Variants in TSC22D1 observed in about 807,000 individuals in gnomAD.
TSC22D1 encodes TSC22 domain family protein 1.
A neutral mutation model predicts 74.2 loss-of-function variants in TSC22D1; 9 were observed. The observed-to-expected ratio is 0.12, with a 90% CI of 0.07 to 0.21. The LOEUF is 0.21. TSC22D1 is among the 10% of genes least tolerant of loss of function. The probability of loss-of-function intolerance (pLI) is 1.00; values close to 1 mark genes in which losing one functional copy is unlikely to be tolerated. For missense variants in TSC22D1, 1,427 were observed against 1,304.7 expected (o/e 1.09, Z -1.44); for synonymous variants, 586 against 492.5 (o/e 1.19, Z -2.51).
intron 1 of TSC22D1, among the ~76,000 whole-genome samples, chr13:44,527,369 A>G (rs567593584): frequency 1.3e-5 from 2 of 152,306 alleles, no homozygotes; most frequent in South Asian, 4.1e-4. Context: ...GCAAAATAAA[A>G]AACAGCAGTG....
At chr13:44,475,302 C>T (rs1272462819) in intron 1 of TSC22D1, among the ~76,000 whole-genome samples, 1 of 151,908 alleles carries the variant, frequency 6.6e-6, no homozygotes, top group African/African-American at 2.4e-5. Flanking sequence ...TGAACAATGA[C>T]AAATGTAGCA....
chr13:44,539,218 G>A, intron 1 of TSC22D1: 1 of 985,134 alleles, frequency 1.0e-6, no homozygotes, highest in Non-Finnish European at 1.2e-6. Context: ...TCATACTTAT[G>A]TTTTATTAAA....
In TSC22D1 at chr13:44,542,239, A is replaced by C. The variant is rs913754963; in HGVS notation, c.2912+30924T>G. Among the ~76,000 whole-genome samples the C allele has an allele frequency of 2.0e-5, 3 of 152,100 alleles. No individual in the cohort carries two copies. The South Asian group carries it at 6.2e-4, about 31-fold the overall frequency. On this transcript the variant is annotated intron_variant, in intron 1 of 2. Coordinates refer to ENST00000458659, the MANE Select transcript of TSC22D1 (RefSeq NM_183422.4). ...ATATAGGTGAGTGAAAATACAGGCA[A>C]AAAGAAAGAGGTACATTTTGATATA...
chr13:44,574,060 G>T lies in TSC22D1; in HGVS notation c.2015C>A (p.Pro672His), dbSNP rs752464003. ...TCCTGCTCCTACTCCTGCAGAACTG[G>T]GCTGTCCGGAGGACATTGCTGTTTG... ...ILQTAMSSGQ[P>H]SSAGVGAGTT... The change falls in exon 1 of 3, where the codon CCC becomes CAC. Residue 672 changes from proline (P) to histidine (H), a missense_variant. Transcript: ENST00000458659. The T allele has an allele frequency of 1.7e-5, 28 of 1,614,092 alleles. No individual in the cohort carries two copies. In the African/African-American group the frequency reaches 3.3e-4, roughly 19 times the overall value.
chr13:44,496,651 T>G (rs1595118163), intron 1 of TSC22D1, among the ~76,000 whole-genome samples: 2 of 152,044 alleles, frequency 1.3e-5, no homozygotes, highest in Admixed American at 1.3e-4. Flanking sequence ...CGCCATTGCA[T>G]TCCAGCCTGG....
At chr13:44,458,718 G>A (rs1191137061) in intron 1 of TSC22D1, among the ~76,000 whole-genome samples, 4 of 152,178 alleles carry the variant, frequency 2.6e-5, no homozygotes, top group African/African-American at 7.2e-5. Context: ...CCCAGTGCCC[G>A]CTCTGATTTT....
At position 44,560,979 on chromosome 13, in the gene TSC22D1, A is replaced by G. The variant is rs185450848; in HGVS notation, c.2912+12184T>C. On this transcript the variant is annotated intron_variant, in intron 1 of 2. Coordinates refer to ENST00000458659, the MANE Select transcript of TSC22D1 (RefSeq NM_183422.4). ...CCTCCCTAGTCTCATCTGCTTTAAG[A>G]TAACAAAGCTAGTAAACATAAGGAG... Among the ~76,000 whole-genome samples, 10 of 152,296 alleles carry G rather than the reference A, an allele frequency of 6.6e-5. No homozygotes were observed. The East Asian group carries it at 1.9e-3, about 29-fold the overall frequency.
chr13:44,531,158 T>C (rs1028382010), intron 1 of TSC22D1, among the ~76,000 whole-genome samples: 11 of 152,190 alleles, frequency 7.2e-5, no homozygotes, highest in Non-Finnish European at 1.6e-4. Context: ...TCATCAATTA[T>C]AACAAATATA....
chr13:44,453,616 G>A (rs1462350504), intron 1 of TSC22D1, among the ~76,000 whole-genome samples: 2 of 152,230 alleles, frequency 1.3e-5, no homozygotes, highest in East Asian at 3.8e-4. Flanking sequence ...ACTCAAGTCA[G>A]TCGGCTTTGG....
At chr13:44,446,202 C>T (rs1875627235) in intron 1 of TSC22D1, among the ~76,000 whole-genome samples, 1 of 152,136 alleles carries the variant, frequency 6.6e-6, no homozygotes. Context: ...ACTACTGATA[C>T]ACATAACAAC....
intron 1 of TSC22D1, among the ~76,000 whole-genome samples, chr13:44,475,333 C>T: frequency 6.6e-6 from 1 of 151,786 alleles, no homozygotes; most frequent in East Asian, 1.9e-4. Context: ...CTGCAGGATG[C>T]ATCTAAAGTA....
chr13:44,435,879 G>A (rs1874563562), intron 2 of TSC22D1, 165 bp downstream of exon 2: 4 of 735,834 alleles, frequency 5.4e-6, no homozygotes, highest in South Asian at 4.7e-5. Context: ...CACGGCTGCC[G>A]TGGTAGGTGG....
intron 1 of TSC22D1, among the ~76,000 whole-genome samples, chr13:44,511,619 TACACAC>T (rs66743224): frequency 1.1e-3 from 156 of 148,168 alleles, no homozygotes; most frequent in African/African-American, 2.2e-3. Context: ...TAAAAAGAAA[TACACAC>T]ACACACACAC....
chr13:44,446,891 TATCTA>T (rs1236935829), intron 1 of TSC22D1, among the ~76,000 whole-genome samples: 2 of 152,108 alleles, frequency 1.3e-5, no homozygotes, highest in Non-Finnish European at 2.9e-5. Flanking sequence ...TTTAAATTTC[TATCTA>T]ATCTTTATAT....
chr13:44,517,857 ATTTTTTTT>A (rs71070912), intron 1 of TSC22D1, among the ~76,000 whole-genome samples: 2 of 16,174 alleles, frequency 1.2e-4, no homozygotes, highest in African/African-American at 3.6e-4. Context: ...ATATATATAT[ATTTTTTTT>A]TTTTTTTTTT....
chr13:44,447,706 A>G (rs1364107581), intron 1 of TSC22D1, among the ~76,000 whole-genome samples: 1 of 151,956 alleles, frequency 6.6e-6, no homozygotes, highest in East Asian at 1.9e-4. Flanking sequence ...AAACATTTAT[A>G]ATTACTTTTA....
chr13:44,433,204 A>T lies in TSC22D1; in HGVS notation c.*1422T>A, dbSNP rs1456055081. On this transcript the variant is annotated 3_prime_UTR_variant, in exon 3 of 3. Transcript: ENST00000458659. ...CAGTAAAAAATTAAGATTTTCAAGG[A>T]CTCCTAGAATTTTAAAGCCAAAGGG... 2.0e-5 allele frequency: 3 copies of T among 152,038 alleles called. No individual in the cohort carries two copies. The East Asian group carries it at 5.8e-4, about 29-fold the overall frequency. 9.4% of individuals were successfully genotyped at this position (152,038 alleles called of 1,614,324 possible). A position where few individuals can be genotyped will look rare whatever the true frequency, so the allele number is the denominator to read the frequency against.
At chr13:44,436,725 G>A (rs1221362557) in intron 1 of TSC22D1, 4 of 1,503,210 alleles carry the variant, frequency 2.7e-6, no homozygotes, top group Non-Finnish European at 2.7e-6. Context: ...GCAGCCCAGG[G>A]AGAAACAGAA....
intron 1 of TSC22D1, among the ~76,000 whole-genome samples, chr13:44,491,101 A>T (rs1333233367): frequency 6.6e-6 from 1 of 152,070 alleles, no homozygotes; most frequent in Non-Finnish European, 1.5e-5. Context: ...CAGGAGGCAG[A>T]GGTTGCAGTG....
Sources: gnomAD v4.1 joint callset for allele counts (sites outside exome capture counted in the v4.1 genomes callset) on GRCh38, gnomAD v4.1.1 for gene constraint, MANE v1.5 for transcripts, NCBI Gene and HGNC (gene_info 2026-07-23, HGNC 2026-07-21) for gene names.